Variants in GPM6B observed in about 807,000 individuals in gnomAD.
The protein encoded by GPM6B is glycoprotein M6B, also known as neuronal membrane glycoprotein M6-b.
In GPM6B, 4 loss-of-function variants were observed where a neutral mutation model predicts 27.2. The ratio of observed to expected loss-of-function variants is 0.15; its 90% CI spans 0.07 to 0.34. The LOEUF (loss-of-function observed/expected upper bound fraction) is 0.34, where lower values mean the gene tolerates loss of function less well. Among genes scored for constraint, GPM6B ranks in the 10% least tolerant of loss-of-function variants. GPM6B has a pLI of 1.00. For missense variants in GPM6B, 183 were observed against 261.9 expected (o/e 0.70, Z 2.08); for synonymous variants, 124 against 103.1 (o/e 1.20, Z -1.23).
intron 1 of GPM6B, among the ~76,000 whole-genome samples, chrX:13,814,868 A>C (rs758352167): frequency 2.7e-5 from 3 of 112,275 alleles, no homozygotes; most frequent in Non-Finnish European, 5.6e-5. Flanking sequence ...TGTACCATAC[A>C]TGTCACACTA....
intron 2 of GPM6B, among the ~76,000 whole-genome samples, chrX:13,805,767 T>C (rs1415528481): frequency 1.8e-5 from 2 of 111,839 alleles, no homozygotes; most frequent in Admixed American, 1.9e-4. Context: ...ACCAGTTTAG[T>C]GAACTAAAAT....
chrX:13,833,881 G>A (rs2049468783), intron 1 of GPM6B, among the ~76,000 whole-genome samples: 1 of 112,637 alleles, frequency 8.9e-6, no homozygotes, highest in Admixed American at 9.4e-5. Flanking sequence ...GGTTTCTAGT[G>A]CTCTGCCATT....
At chrX:13,781,262 C>T (rs892217193) in intron 4 of GPM6B, among the ~76,000 whole-genome samples, 12 of 111,352 alleles carry the variant, frequency 1.1e-4, no homozygotes, top group African/African-American at 3.9e-4. Flanking sequence ...AGAGCTGCTT[C>T]CTCAGTGAGT....
At chrX:13,896,563 TTCTC>T (rs1236182617) in intron 1 of GPM6B, among the ~76,000 whole-genome samples, 2 of 110,878 alleles carry the variant, frequency 1.8e-5, no homozygotes, top group Non-Finnish European at 3.8e-5. Flanking sequence ...TATTGACAAT[TTCTC>T]TCTTTTTTTT....
intron 1 of GPM6B, among the ~76,000 whole-genome samples, chrX:13,863,857 A>G (rs901165134): frequency 2.7e-5 from 3 of 112,786 alleles, no homozygotes; most frequent in Non-Finnish European, 3.7e-5. Context: ...GTCCCTTTTC[A>G]AGTCTGCAGT....
chrX:13,905,296 A>T (rs1369489776), intron 1 of GPM6B, among the ~76,000 whole-genome samples: 1 of 110,579 alleles, frequency 9.0e-6, no homozygotes, highest in Non-Finnish European at 1.9e-5. Context: ...AAAAAATCCA[A>T]TTATTTGATG....
intron 1 of GPM6B, among the ~76,000 whole-genome samples, chrX:13,879,829 C>A (rs1202820430): frequency 8.9e-6 from 1 of 111,857 alleles, no homozygotes; most frequent in African/African-American, 3.3e-5. Context: ...CTTCAGAGTT[C>A]AGTATGTCTC....
rs1006305235 is a variant in GPM6B at position 13,916,541 on chromosome X, C to T, written c.-198+21786G>A. On this transcript the variant is annotated intron_variant, in intron 1 of 6. Coordinates refer to the GPM6B transcript ENST00000398361. ...AGTGGTTAAGGGCAGCCACAAAGCC[C>T]AGCACCTTCCTCCTGAGGTAGAGCT... Among the ~76,000 whole-genome samples the T allele has an allele frequency of 3.6e-5, 4 of 111,618 alleles. No individual in the cohort carries two copies. The Admixed American group carries it at 3.8e-4, about 11-fold the overall frequency.
At chrX:13,791,011 A>AT (rs1327592080) in intron 2 of GPM6B, among the ~76,000 whole-genome samples, 1 of 111,966 alleles carries the variant, frequency 8.9e-6, no homozygotes, top group African/African-American at 3.3e-5. Context: ...GCAGAACACC[A>AT]TGCTGTTAAA....
chrX:13,827,171 C>T (rs1163099361), intron 1 of GPM6B, among the ~76,000 whole-genome samples: 1 of 109,691 alleles, frequency 9.1e-6, no homozygotes, highest in African/African-American at 3.3e-5. Context: ...AAATCCCAAT[C>T]GCACTGTCTC....
At chrX:13,800,155 T>C (rs1357840677) in intron 2 of GPM6B, among the ~76,000 whole-genome samples, 1 of 111,693 alleles carries the variant, frequency 9.0e-6, no homozygotes, top group East Asian at 2.8e-4. Flanking sequence ...TGCTATGCCA[T>C]GAAGTAGCTA....
chrX:13,895,003 T>C (rs2050220164), intron 1 of GPM6B, among the ~76,000 whole-genome samples: 1 of 111,790 alleles, frequency 8.9e-6, no homozygotes, highest in African/African-American at 3.3e-5. Context: ...ACGACATCAT[T>C]TTGGTGAGTA....
rs112311117 is a variant in GPM6B, at chrX:13,840,814, A to ATGTG, written c.-197-55010_-197-55007dup. ...GCTCATTTACCACACAGACACACAA[A>ATGTG]TGTGTGTGTGTGTGTATGTAGGTAT... On this transcript the variant is annotated intron_variant, in intron 1 of 6. Transcript: ENST00000398361. Among the ~76,000 whole-genome samples the ATGTG allele has an allele frequency of 6.6e-3, 732 of 110,789 alleles. 13 individuals carry two copies. Among genetic ancestry groups the ATGTG allele is most frequent in the African/African-American group, 0.023 (680 of 30,149 alleles).
chrX:13,785,794 A>G lies in GPM6B; in HGVS notation c.196T>C (p.Cys66Arg). 8.3e-7 allele frequency: 1 copy of G among 1,207,215 alleles called. No individual in the cohort carries two copies. Among genetic ancestry groups the G allele is most frequent in the Non-Finnish European group, 1.1e-6 (1 of 892,054 alleles). The change falls in exon 3 of 8, where the codon TGC becomes CGC. Residue 66 changes from cysteine to arginine, a missense_variant. Transcript: ENST00000316715. ...PLSSPGCFEC[C>R]IKCLGGVPYA... ...GGGACTCCTCCCAGACACTTGATGC[A>G]GCATTCAAAGCAGCCTGAACCCAAA... is the stretch of plus-strand genomic sequence containing the variant.
At chrX:13,924,556 G>A (rs1385362762) in intron 1 of GPM6B, among the ~76,000 whole-genome samples, 2 of 111,703 alleles carry the variant, frequency 1.8e-5, no homozygotes, top group Non-Finnish European at 3.8e-5. Flanking sequence ...TCCCACCTCG[G>A]CCTCTCGAAG....
intron 1 of GPM6B, among the ~76,000 whole-genome samples, chrX:13,933,643 C>G (rs1921687724): frequency 1.8e-5 from 2 of 111,829 alleles, no homozygotes; most frequent in African/African-American, 6.5e-5. Context: ...TCTTTGAAAA[C>G]CAGGTTGATT....
intron 2 of GPM6B, among the ~76,000 whole-genome samples, chrX:13,790,831 G>A (rs1457636666): frequency 2.7e-5 from 3 of 112,145 alleles, no homozygotes; most frequent in East Asian, 2.8e-4. Flanking sequence ...CTGAGAAGAC[G>A]GGAATTGAGT....
At chrX:13,885,488 G>C (rs2050126118) in intron 1 of GPM6B, among the ~76,000 whole-genome samples, 1 of 111,540 alleles carries the variant, frequency 9.0e-6, no homozygotes, top group Non-Finnish European at 1.9e-5. Context: ...AGTGAAAGAA[G>C]GCATGTAAAG....
rs1399447738 is a variant in GPM6B at position 13,884,102 on chromosome X, C to T, written c.-198+54225G>A. On this transcript the variant is annotated intron_variant, in intron 1 of 6. Coordinates refer to the GPM6B transcript ENST00000398361. Reference sequence around the variant, plus strand: ...CTGAGACAGGAGAATGGCTTGAACCCGGGAGGCAGAGGTTGCGGTGAGCCG... The same window carrying T: ...CTGAGACAGGAGAATGGCTTGAACCTGGGAGGCAGAGGTTGCGGTGAGCCG... 6.3e-5 allele frequency among the ~76,000 whole-genome samples: 7 copies of T among 111,409 alleles called. 1 individual carries two copies. The highest frequency in any genetic ancestry group is 5.7e-4 in the Admixed American group (6 of 10,517).
Sources: allele counts gnomAD v4.1 joint callset (sites outside exome capture counted in the v4.1 genomes callset), GRCh38; gene constraint gnomAD v4.1.1; transcripts MANE v1.5; gene names NCBI Gene and HGNC (gene_info 2026-07-23, HGNC 2026-07-21).